Variants in ZNF816 observed in about 807,000 individuals in gnomAD.
ZNF816 encodes zinc finger protein 816.
ZNF816 carries 11 observed loss-of-function variants against 8.3 expected under a neutral mutation model. The ratio of observed to expected loss-of-function variants is 1.32; its 90% CI spans 0.83 to 2.19. ZNF816 has a LOEUF of 2.19. Ranked by LOEUF, ZNF816 falls within the 30% of genes most tolerant of loss-of-function variation. The pLI is 0.00. For missense variants in ZNF816, 710 were observed against 779.3 expected, an observed-to-expected ratio of 0.91 and a Z score of 1.06; for synonymous variants, 255 against 254.5, an observed-to-expected ratio of 1.00 and a Z score of -0.02.
At chr19:52,958,989 C>A (rs141948083) in intron 1 of ZNF816, among the ~76,000 whole-genome samples, 1 of 152,176 alleles carries the variant, frequency 6.6e-6, no homozygotes, top group Non-Finnish European at 1.5e-5. Flanking sequence ...AAGCCTTTTA[C>A]GCTGTATGTT....
intron 1 of ZNF816, among the ~76,000 whole-genome samples, chr19:52,956,882 AAAT>A (rs1478303846): frequency 1.3e-5 from 2 of 152,208 alleles, no homozygotes; most frequent in African/African-American, 4.8e-5. Context: ...CGGTGGTTAA[AAAT>A]AATAATAATA....
At chr19:52,952,589 A>G in intron 3 of ZNF816, 162 bp downstream of exon 3, 1 of 1,359,644 alleles carries the variant, frequency 7.4e-7, no homozygotes, top group Non-Finnish European at 9.9e-7. Context: ...AAGAGTCTCT[A>G]AGAAGCTGTC....
chr19:52,952,680 G>C (rs759192810), intron 3 of ZNF816, 71 bp downstream of exon 3: 2 of 1,600,144 alleles, frequency 1.2e-6, no homozygotes, highest in African/African-American at 1.3e-5. Flanking sequence ...TCACAAAAGA[G>C]AATATAAAAC....
At position 52,950,423 on chromosome 19, in the gene ZNF816, T is replaced by G; in HGVS notation, c.1352A>C (p.Lys451Thr). 1 of 1,613,744 alleles carries G rather than the reference T, an allele frequency of 6.2e-7. No individual in the cohort carries two copies. The highest frequency in any genetic ancestry group is 8.5e-7 in the Non-Finnish European group (1 of 1,179,982). Reference protein sequence around the residue: ...AEHQRVHTGEKPYKCNKCGRS... With the variant: ...AEHQRVHTGETPYKCNKCGRS... The stretch of plus-strand genomic sequence containing the variant: ...GCCACATTTATTACACTTGTATGGT[T>G]TCTCTCCAGTATGAACTCTCTGATG... Residue 451 changes from lysine to threonine, a missense_variant, in exon 4 of 4, where the codon AAA becomes ACA. Lys to Thr is a moderately conservative substitution (Grantham distance 78). Coordinates refer to ENST00000444460, the MANE Select transcript of ZNF816 (RefSeq NM_001202457.3).
chr19:52,959,622 C>T (rs1316504376), intron 1 of ZNF816, among the ~76,000 whole-genome samples: 2 of 152,176 alleles, frequency 1.3e-5, no homozygotes, highest in African/African-American at 4.8e-5. Flanking sequence ...GAAGGTAAGA[C>T]TGAAAATATT....
In ZNF816 at chr19:52,949,829, A is replaced by C. The variant is rs760644093; in HGVS notation, c.1946T>G (p.Leu649Ter). 2 of 1,613,496 alleles carry C rather than the reference A, an allele frequency of 1.2e-6. No individual in the cohort carries two copies. The highest frequency in any genetic ancestry group is 8.5e-7 in the Non-Finnish European group (1 of 1,179,728). The change falls in exon 4 of 4, where the codon TTA (leucine) becomes TGA (stop). Residue 649 changes from leucine to a stop codon, truncating the protein, a stop_gained. Coordinates refer to ENST00000444460, the MANE Select transcript of ZNF816 (RefSeq NM_001202457.3). LOFTEE classifies it high-confidence loss of function. The stretch of plus-strand genomic sequence containing the variant: ...ACTTTGTGACAATCATTACATTTGT[A>C]AAGTTTCCCTACACCCATGGATTGC... ...HQAIHGCRET[L>*]QM
intron 1 of ZNF816, among the ~76,000 whole-genome samples, chr19:52,958,035 T>C (rs559809277): frequency 1.2e-4 from 19 of 152,234 alleles, no homozygotes; most frequent in South Asian, 4.2e-4. Context: ...CTGGTACTTA[T>C]AGAAGTTAAG....
chr19:52,961,874 G>T (rs534673651), intron 1 of ZNF816, among the ~76,000 whole-genome samples: 1 of 152,176 alleles, frequency 6.6e-6, no homozygotes, highest in Non-Finnish European at 1.5e-5. Context: ...GGTGCCCACT[G>T]ATCCAGTTCC....
chr19:52,953,548 T>C (rs1436763005), intron 2 of ZNF816, among the ~76,000 whole-genome samples: 1 of 44,902 alleles, frequency 2.2e-5, no homozygotes, highest in Admixed American at 1.8e-4. Context: ...TATAATACAA[T>C]ATTATATATA....
chr19:52,950,771 T>C lies in ZNF816; in HGVS notation c.1004A>G (p.His335Arg), dbSNP rs764820535. The change falls in exon 4 of 4, where the codon CAT becomes CGT. Residue 335 changes from histidine to arginine, a missense_variant. Transcript: ENST00000444460. ...KSSLRCHRRL[H>R]TGEKPYKCNE... Reference sequence around the variant, plus strand: ...ACACTTGTAAGGTTTCTCTCCAGTATGAAGTCTACGATGGCATCTAAGGGA... The same window carrying C: ...ACACTTGTAAGGTTTCTCTCCAGTACGAAGTCTACGATGGCATCTAAGGGA... 1 of 1,613,772 alleles carries C rather than the reference T, an allele frequency of 6.2e-7. No homozygotes were observed. The highest frequency in any genetic ancestry group is 1.7e-5 in the Admixed American group (1 of 59,978).
In ZNF816 at chr19:52,951,413, T is replaced by G; in HGVS notation, c.362A>C (p.Glu121Ala). The G allele has an allele frequency of 1.2e-6, 2 of 1,614,072 alleles. No individual in the cohort carries two copies. Among genetic ancestry groups the G allele is most frequent in the Non-Finnish European group, 1.7e-6 (2 of 1,179,950 alleles). ...CATGGGTGCTTCATGGCCATTTCTT[T>G]CAACTTCTTGCCACTGAAACTCAAA... ...HHFEFQWQEV[E>A]RNGHEAPMTK... The change falls in exon 4 of 4, where the codon GAA (glutamate) becomes GCA (alanine). Residue 121 changes from glutamate to alanine, a missense_variant. Glu to Ala is a moderately radical substitution (Grantham distance 107). Coordinates refer to ENST00000444460, the MANE Select transcript of ZNF816 (RefSeq NM_001202457.3).
rs1264117416 is a variant in ZNF816, at chr19:52,957,779, TGACTTGAAAG to T, written c.-15-1685_-15-1676del. Among the ~76,000 whole-genome samples the T allele has an allele frequency of 6.6e-6, 1 of 152,226 alleles. No homozygotes were observed. The highest frequency in any genetic ancestry group is 2.1e-4 in the South Asian group (1 of 4,834). On this transcript the variant is annotated intron_variant, in intron 1 of 3. Transcript: ENST00000444460. This position sits in a 1 kb window ranked among gnomAD's most constrained non-coding sequence, Gnocchi z 4.6. ...TGATTCACCAGTTCTTGTACATGCC[TGACTTGAAAG>T]GACTTGAAAGGACTTGCTTAGCGAG...
intron 1 of ZNF816, 129 bp from the exon 2 acceptor site, chr19:52,956,233 C>G: frequency 9.7e-7 from 1 of 1,027,142 alleles, no homozygotes; most frequent in Non-Finnish European, 1.4e-6. Flanking sequence ...GCACCAGAGA[C>G]CATGCAGAGA....
In ZNF816 at chr19:52,953,521, ATTT is replaced by A. The variant is rs1568438310; in HGVS notation, c.64-647_64-645del. Reference sequence around the variant, plus strand: ...TAATATTTAATTATATATAATATATATTTATAATATATAATATATAATACAATA... The same window carrying A: ...TAATATTTAATTATATATAATATATAATAATATATAATATATAATACAATA... On this transcript the variant is annotated intron_variant, in intron 2 of 3. Coordinates refer to ENST00000444460, the MANE Select transcript of ZNF816 (RefSeq NM_001202457.3). The A allele has an allele frequency of 1.1e-4, 5 of 45,044 alleles. No homozygotes were observed. In the African/African-American group the frequency reaches 1.4e-3, roughly 12 times the overall value. 2.8% of individuals were successfully genotyped at this position (45,044 alleles called of 1,614,324 possible). A position where few individuals can be genotyped will look rare whatever the true frequency, so the allele number is the denominator to read the frequency against.
intron 3 of ZNF816, chr19:52,951,849 G>T: frequency 2.2e-6 from 1 of 450,182 alleles, no homozygotes; most frequent in Non-Finnish European, 3.9e-6. Flanking sequence ...AGCATGCGGA[G>T]ATCACCACAT....
chr19:52,958,963 G>T (rs1037982009), intron 1 of ZNF816, among the ~76,000 whole-genome samples: 1 of 152,222 alleles, frequency 6.6e-6, no homozygotes, highest in Non-Finnish European at 1.5e-5. Context: ...CAGCCCTGGG[G>T]TTACCTGACC....
rs914419128 is a variant in ZNF816, at chr19:52,949,685, C to T, written c.*134G>A. 2.2e-6 allele frequency: 3 copies of T among 1,350,352 alleles called. No homozygotes were observed. The Admixed American group carries it at 5.3e-5, about 24-fold the overall frequency. 83.6% of individuals were successfully genotyped at this position (1,350,352 alleles called of 1,614,324 possible). ...GTAAGGTTTCTCTCCAGTATGAGTTCACTGATGAACTACAAGTTATGAATG... is the reference window on the plus strand; with the variant it reads ...GTAAGGTTTCTCTCCAGTATGAGTTTACTGATGAACTACAAGTTATGAATG... On this transcript the variant is annotated 3_prime_UTR_variant, in exon 4 of 4. Transcript: ENST00000444460.
chr19:52,955,087 C>T (rs577014018), intron 2 of ZNF816, among the ~76,000 whole-genome samples: 1 of 152,088 alleles, frequency 6.6e-6, no homozygotes, highest in Admixed American at 6.5e-5. Flanking sequence ...AAGAATGGCT[C>T]CATCCTCTCT....
At chr19:52,959,329 C>T (rs182719459) in intron 1 of ZNF816, among the ~76,000 whole-genome samples, 155 of 152,352 alleles carry the variant, frequency 1.0e-3, no homozygotes, top group South Asian at 5.2e-3. Context: ...CCCTGAACCC[C>T]GCCACCTTAC....
Sources: allele counts gnomAD v4.1 joint callset (sites outside exome capture counted in the v4.1 genomes callset), GRCh38; gene constraint gnomAD v4.1.1; non-coding constraint Gnocchi (gnomAD v3.1); transcripts MANE v1.5; gene names NCBI Gene and HGNC (gene_info 2026-07-23, HGNC 2026-07-21).